Variants in NBL1 observed in about 807,000 individuals in gnomAD.
The protein encoded by NBL1 is neuroblastoma suppressor of tumorigenicity 1.
A neutral mutation model predicts 16.0 loss-of-function variants in NBL1; 9 were observed. The ratio of observed to expected loss-of-function variants is 0.56; its 90% CI spans 0.34 to 0.98. NBL1 has a LOEUF of 0.98. Among genes scored for constraint, NBL1 ranks in the 50% least tolerant of loss-of-function variants. The probability of loss-of-function intolerance (pLI) is 0.02; values close to 1 mark genes in which losing one functional copy is unlikely to be tolerated. For synonymous variants in NBL1, 86 were observed against 100.7 expected (o/e 0.85, Z 0.87); for missense variants, 196 against 243.1 (o/e 0.81, Z 1.29).
chr1:19,646,378 C>T (rs958861135), intron 1 of NBL1, among the ~76,000 whole-genome samples: 4 of 152,326 alleles, frequency 2.6e-5, no homozygotes, highest in Admixed American at 6.5e-5. Flanking sequence ...ATTAGACTCT[C>T]CTGACTCCAG....
intron 1 of NBL1, among the ~76,000 whole-genome samples, chr1:19,651,009 T>C (rs1254316595): frequency 1.3e-5 from 2 of 152,078 alleles, no homozygotes; most frequent in African/African-American, 4.8e-5. Context: ...TTTCCCATGA[T>C]CCCCTGGGGG....
At chr1:19,645,647 C>A in intron 1 of NBL1, 1 of 1,148,924 alleles carries the variant, frequency 8.7e-7, no homozygotes, top group Non-Finnish European at 1.1e-6. Flanking sequence ...GATGCTGGGG[C>A]TGCTTGGGCG....
chr1:19,652,847 G>A (rs2095034399), intron 1 of NBL1, among the ~76,000 whole-genome samples: 1 of 152,092 alleles, frequency 6.6e-6, no homozygotes, highest in African/African-American at 2.4e-5. Context: ...AATCAGCCAG[G>A]TGTGGTGGCG....
intron 3 of NBL1, among the ~76,000 whole-genome samples, chr1:19,655,744 C>T (rs558081211): frequency 1.3e-5 from 2 of 152,308 alleles, no homozygotes; most frequent in African/African-American, 2.4e-5. Context: ...TGCCCTGTCC[C>T]GAGAACCTGG....
chr1:19,655,494 C>G, intron 3 of NBL1, 59 bp downstream of exon 3: 2 of 1,577,080 alleles, frequency 1.3e-6, no homozygotes, highest in Admixed American at 1.8e-5. Context: ...CAGCCTTGGC[C>G]TTTCTCCCCA....
At chr1:19,645,611 G>A in intron 1 of NBL1, 1 of 1,068,836 alleles carries the variant, frequency 9.4e-7, no homozygotes, top group Non-Finnish European at 1.1e-6. Flanking sequence ...TGTTACTGCG[G>A]AATGGGGCCT....
intron 1 of NBL1, among the ~76,000 whole-genome samples, chr1:19,653,165 C>T (rs1433609683): frequency 6.8e-6 from 1 of 146,776 alleles, no homozygotes; most frequent in Non-Finnish European, 1.5e-5. Context: ...TGGGCGCCTG[C>T]AGTCCCAGCT....
At chr1:19,646,482 G>A (rs2094981201) in intron 1 of NBL1, among the ~76,000 whole-genome samples, 1 of 152,200 alleles carries the variant, frequency 6.6e-6, no homozygotes, top group African/African-American at 2.4e-5. Flanking sequence ...CCAGAGCCGG[G>A]GCCTGACCTG....
At position 19,644,924 on chromosome 1, in the gene NBL1, G is replaced by A. The variant is rs1052148000; in HGVS notation, c.-20+478G>A. Among the ~76,000 whole-genome samples the A allele has an allele frequency of 6.6e-6, 1 of 152,016 alleles. No individual in the cohort carries two copies. The highest frequency in any genetic ancestry group is 2.4e-5 in the African/African-American group (1 of 41,404). ...GTCTCTCCGTCGCTCCGTTTCCGCC[G>A]CTCACTTTCCCCTGGTCTGCCCGTC... is the stretch of plus-strand genomic sequence containing the variant. On this transcript the variant is annotated intron_variant, in intron 1 of 3. Coordinates refer to ENST00000375136, the MANE Select transcript of NBL1 (RefSeq NM_005380.8). This position sits in a 1 kb window ranked among gnomAD's most constrained non-coding sequence, Gnocchi z 4.6.
At chr1:19,649,858 C>CT (rs1205820260) in intron 1 of NBL1, among the ~76,000 whole-genome samples, 2 of 151,968 alleles carry the variant, frequency 1.3e-5, no homozygotes, top group Non-Finnish European at 2.9e-5. Flanking sequence ...ATGGGATCGT[C>CT]TTATGTTGCC....
chr1:19,644,365 G>A lies in NBL1; in HGVS notation c.-101G>A. ...GCGTCGCGGGGCCGCCCCCCGCCCT[G>A]CCGGCCGCCTCGCCGAGCCTCCTGG... On this transcript the variant is annotated 5_prime_UTR_variant, in exon 1 of 4. Coordinates refer to ENST00000375136, the MANE Select transcript of NBL1 (RefSeq NM_005380.8). The surrounding 1 kb of genome is among the most constrained non-coding windows in gnomAD (Gnocchi z 4.6). 1 of 978,460 alleles carries A rather than the reference G, an allele frequency of 1.0e-6. No homozygotes were observed. The highest frequency in any genetic ancestry group is 1.2e-6 in the Non-Finnish European group (1 of 826,916). The allele number at this position is 978,460 out of a possible 1,614,324, so 60.6% of individuals were successfully genotyped here.
rs2094967222 is a variant in NBL1, at chr1:19,644,694, CCA to C, written c.-20+249_-20+250del. On this transcript the variant is annotated intron_variant, in intron 1 of 3. Coordinates refer to ENST00000375136, the MANE Select transcript of NBL1 (RefSeq NM_005380.8). This position sits in a 1 kb window ranked among gnomAD's most constrained non-coding sequence, Gnocchi z 4.6. ...GCACCGCCGCGTCCGGAGCCCGTCC[CCA>C]GACTCGCCCCAGGGTTCCGTTTCTG... 6.6e-6 allele frequency among the ~76,000 whole-genome samples: 1 copy of C among 151,866 alleles called. No homozygotes were observed. The highest frequency in any genetic ancestry group is 2.4e-5 in the African/African-American group (1 of 41,412).
chr1:19,656,692 T>C (rs1257426229), intron 3 of NBL1, among the ~76,000 whole-genome samples, 174 bp from the exon 4 acceptor site: 2 of 151,998 alleles, frequency 1.3e-5, no homozygotes, highest in Admixed American at 6.6e-5. Context: ...GAGACAGCTC[T>C]GGTGGCTTGT....
intron 1 of NBL1, among the ~76,000 whole-genome samples, chr1:19,647,900 T>C (rs559734662): frequency 3.4e-4 from 34 of 100,572 alleles, no homozygotes; most frequent in African/African-American, 1.0e-3. Context: ...CGCGCGTGTG[T>C]GTGCGTGCTT....
intron 1 of NBL1, among the ~76,000 whole-genome samples, chr1:19,651,491 A>G (rs1304515279): frequency 6.6e-6 from 1 of 152,052 alleles, no homozygotes; most frequent in African/African-American, 2.4e-5. Context: ...TGGGCCTGCA[A>G]CCTCTTCCAA....
chr1:19,657,292 C>G lies in NBL1; in HGVS notation c.*163C>G. On this transcript the variant is annotated 3_prime_UTR_variant, in exon 4 of 4. Coordinates refer to ENST00000375136, the MANE Select transcript of NBL1 (RefSeq NM_005380.8). The stretch of plus-strand genomic sequence containing the variant: ...CGGTTGCCATGGAGATCTGAAGGGG[C>G]GGGGTTAGAGCCAAGCTGCACAATT... The G allele has an allele frequency of 1.9e-6, 1 of 514,246 alleles. No homozygotes were observed. Among genetic ancestry groups the G allele is most frequent in the Non-Finnish European group, 3.5e-6 (1 of 287,666 alleles). The allele number at this position is 514,246 out of a possible 1,614,324, so 31.9% of individuals were successfully genotyped here.
At chr1:19,650,410 G>A (rs1262076222) in intron 1 of NBL1, among the ~76,000 whole-genome samples, 1 of 152,212 alleles carries the variant, frequency 6.6e-6, no homozygotes, top group Non-Finnish European at 1.5e-5. Flanking sequence ...CCTCCCCTCA[G>A]GGGAGTGTCT....
At chr1:19,648,443 G>C (rs544934320) in intron 1 of NBL1, among the ~76,000 whole-genome samples, 2 of 152,200 alleles carry the variant, frequency 1.3e-5, no homozygotes, top group Non-Finnish European at 2.9e-5. Flanking sequence ...GAGGAGGGCC[G>C]GGCCCCGGCG....
At chr1:19,655,925 C>T (rs1047063517) in intron 3 of NBL1, among the ~76,000 whole-genome samples, 1 of 152,122 alleles carries the variant, frequency 6.6e-6, no homozygotes. Context: ...CCTCTGTCCC[C>T]TTTCTCTAGT....
Sources: gnomAD v4.1 joint callset for allele counts (sites outside exome capture counted in the v4.1 genomes callset) on GRCh38, gnomAD v4.1.1 for gene constraint, Gnocchi (gnomAD v3.1) non-coding constraint, MANE v1.5 for transcripts, NCBI Gene and HGNC (gene_info 2026-07-23, HGNC 2026-07-21) for gene names.